Variants in DARS1 observed in about 807,000 individuals in gnomAD.
DARS1 encodes aspartyl-tRNA synthetase 1.
A neutral mutation model predicts 68.8 loss-of-function variants in DARS1; 51 were observed. That is an observed-to-expected ratio of 0.74 (90% CI 0.59 to 0.94). The LOEUF is 0.94. Ranked by LOEUF, DARS1 falls within the 40% of genes least tolerant of loss-of-function variation. The pLI is 0.00. For synonymous variants in DARS1, 203 were observed against 190.4 expected, an observed-to-expected ratio of 1.07 and a Z score of -0.55; for missense variants, 607 against 597.3, an observed-to-expected ratio of 1.02 and a Z score of -0.17.
intron 5 of DARS1, among the ~76,000 whole-genome samples, chr2:135,939,750 C>T (rs309147): frequency 0.21 from 32,463 of 151,634 alleles, 4,011 homozygotes; most frequent in Middle Eastern, 0.41. Context: ...ACAAAACTGA[C>T]AGACCGCTAG....
intron 11 of DARS1, among the ~76,000 whole-genome samples, chr2:135,915,630 C>A (rs929255502): frequency 4.6e-5 from 7 of 151,924 alleles, no homozygotes; most frequent in Non-Finnish European, 1.0e-4. Context: ...AATTATAAGT[C>A]GTATGATCTA....
chr2:135,943,162 G>T, intron 5 of DARS1: 2 of 534,552 alleles, frequency 3.7e-6, no homozygotes, highest in East Asian at 3.8e-5. Flanking sequence ...CATCTCAGTT[G>T]GGTGCATCAC....
rs545136578 is a variant in DARS1 at position 135,932,950 on chromosome 2, G to A, written c.505-108C>T. The A allele has an allele frequency of 9.7e-6, 6 of 619,326 alleles. No individual in the cohort carries two copies. In the East Asian group the frequency reaches 1.7e-4, roughly 18 times the overall value. 38.4% of individuals were successfully genotyped at this position (619,326 alleles called of 1,614,324 possible). Reference sequence around the variant, plus strand: ...TTACTTTTAATTGAGTAGGATGTGTGTACGTTAATATTATGCCCGAAAATC... The same window carrying A: ...TTACTTTTAATTGAGTAGGATGTGTATACGTTAATATTATGCCCGAAAATC... On this transcript the variant is annotated intron_variant, in intron 6 of 15. Coordinates refer to ENST00000264161, the MANE Select transcript of DARS1 (RefSeq NM_001349.4).
intron 5 of DARS1, among the ~76,000 whole-genome samples, chr2:135,936,477 C>T (rs1412197406): frequency 1.3e-5 from 2 of 151,960 alleles, no homozygotes; most frequent in Non-Finnish European, 2.9e-5. Flanking sequence ...CTCACTGTAA[C>T]CTCCAACTCC....
Position 135,979,384 on chromosome 2 carries a change from G to C in DARS1, c.125-18C>G, listed in dbSNP as rs777497235. 1 of 944,292 alleles carries C rather than the reference G, an allele frequency of 1.1e-6. No individual in the cohort carries two copies. 58.5% of individuals were successfully genotyped at this position (944,292 alleles called of 1,614,324 possible). A position where few individuals can be genotyped will look rare whatever the true frequency, so the allele number is the denominator to read the frequency against. On this transcript the variant is annotated intron_variant, in intron 2 of 15. Coordinates refer to ENST00000264161, the MANE Select transcript of DARS1 (RefSeq NM_001349.4). ...AACTCGATCTGTAATAACAGTAAAC[G>C]ATTTTTATATAGTAAAATAATTTTT...
At chr2:135,971,467 G>A (rs574061515) in intron 3 of DARS1, among the ~76,000 whole-genome samples, 1 of 152,184 alleles carries the variant, frequency 6.6e-6, no homozygotes, top group East Asian at 1.9e-4. Flanking sequence ...ATATACGACA[G>A]ACACACAGCT....
At chr2:135,933,561 ATGT>A (rs1281884037) in intron 6 of DARS1, among the ~76,000 whole-genome samples, 2 of 152,200 alleles carry the variant, frequency 1.3e-5, no homozygotes. Flanking sequence ...TTTTCATAAA[ATGT>A]TATTAGCTTC....
rs1035161869 is a variant in DARS1, at chr2:135,947,143, G to A, written c.321-3663C>T. On this transcript the variant is annotated intron_variant, in intron 4 of 15. Transcript: ENST00000264161. ...TTTTAGCCCAGGCACGGTGGCTCATGCCTGTAATCCCAGCACTTCTGGGAG... is the reference window on the plus strand; with the variant it reads ...TTTTAGCCCAGGCACGGTGGCTCATACCTGTAATCCCAGCACTTCTGGGAG... 8.5e-5 allele frequency among the ~76,000 whole-genome samples: 13 copies of A among 152,070 alleles called. No individual in the cohort carries two copies. In the South Asian group the frequency reaches 2.5e-3, roughly 29 times the overall value.
intron 4 of DARS1, 71 bp downstream of exon 4, chr2:135,961,325 G>A: frequency 1.2e-6 from 1 of 801,892 alleles, no homozygotes; most frequent in South Asian, 1.4e-5. Context: ...GTATGAAAAT[G>A]GTCCAAACCC....
chr2:135,975,994 C>T (rs1343658701), intron 3 of DARS1, among the ~76,000 whole-genome samples: 1 of 152,132 alleles, frequency 6.6e-6, no homozygotes, highest in African/African-American at 2.4e-5. Context: ...AGAAGGATTA[C>T]AGTCAGTTTT....
Position 135,907,237 on chromosome 2 carries a change from G to GGTTTTTTTTTTTT in DARS1, c.*78_*79insAAAAAAAAAAAAC, listed in dbSNP as rs1680801353. 1.3e-6 allele frequency: 1 copy of GGTTTTTTTTTTTT among 750,966 alleles called. No individual in the cohort carries two copies. Among genetic ancestry groups the GGTTTTTTTTTTTT allele is most frequent in the Admixed American group, 3.2e-5 (1 of 30,994 alleles). The allele number at this position is 750,966 out of a possible 1,614,324, so 46.5% of individuals were successfully genotyped here. ...CAGGTTACTGAAAAGAATAAGTGTG[G>GGTTTTTTTTTTTT]CTTTCTTTTTTTTTTTTTTTTTTTG... On this transcript the variant is annotated 3_prime_UTR_variant, in exon 16 of 16. Transcript: ENST00000264161.
At chr2:135,947,823 GAA>G (rs758373832) in intron 4 of DARS1, among the ~76,000 whole-genome samples, 3 of 131,492 alleles carry the variant, frequency 2.3e-5, no homozygotes, top group African/African-American at 2.8e-5. Context: ...TAGTTTCTGT[GAA>G]AAAAAAAAAA....
At chr2:135,941,674 T>C (rs1681600168) in intron 5 of DARS1, among the ~76,000 whole-genome samples, 1 of 150,700 alleles carries the variant, frequency 6.6e-6, no homozygotes, top group Admixed American at 6.6e-5. Context: ...CTAATTAAAC[T>C]AAAGAGCTTC....
intron 4 of DARS1, among the ~76,000 whole-genome samples, chr2:135,951,632 G>A (rs1167194399): frequency 1.3e-5 from 2 of 152,184 alleles, no homozygotes; most frequent in Non-Finnish European, 2.9e-5. Context: ...TCATCAGTGA[G>A]AACACTCGGT....
intron 3 of DARS1, among the ~76,000 whole-genome samples, chr2:135,967,399 T>A (rs940975491): frequency 6.6e-6 from 1 of 152,232 alleles, no homozygotes; most frequent in East Asian, 1.9e-4. Flanking sequence ...GCCTTCCACA[T>A]GGTACGTATA....
intron 10 of DARS1, 31 bp from the exon 11 acceptor site, chr2:135,916,403 G>A (rs756075351): frequency 2.2e-6 from 3 of 1,353,822 alleles, no homozygotes; most frequent in Admixed American, 3.4e-5. Context: ...TTAATAAAAT[G>A]TATGAGATAA....
chr2:135,919,994 A>T (rs1300850649), intron 10 of DARS1, among the ~76,000 whole-genome samples: 7 of 152,220 alleles, frequency 4.6e-5, no homozygotes, highest in Non-Finnish European at 1.0e-4. Context: ...TGAGGCACAG[A>T]ATTAAATAAC....
intron 8 of DARS1, among the ~76,000 whole-genome samples, chr2:135,924,111 C>T (rs1234733073): frequency 6.6e-6 from 1 of 152,154 alleles, no homozygotes; most frequent in Non-Finnish European, 1.5e-5. Flanking sequence ...AAAGTAGTTC[C>T]TGGTGTAAGT....
At chr2:135,935,028 A>G (rs562024430) in intron 5 of DARS1, among the ~76,000 whole-genome samples, 1 of 151,922 alleles carries the variant, frequency 6.6e-6, no homozygotes, top group African/African-American at 2.4e-5. Context: ...TGACCTCGTG[A>G]TCTGCCTGCA....
Sources: allele counts gnomAD v4.1 joint callset (sites outside exome capture counted in the v4.1 genomes callset), GRCh38; gene constraint gnomAD v4.1.1; transcripts MANE v1.5; gene names NCBI Gene and HGNC (gene_info 2026-07-23, HGNC 2026-07-21).